The following CNTNAP2 variants were observed in gnomAD, a reference collection of about 807,000 sequenced individuals.
CNTNAP2 encodes contactin associated protein 2, also known as contactin-associated protein-like 2.
Under a neutral mutation model 155.2 loss-of-function variants are expected in CNTNAP2, and 98 were observed. That is an observed-to-expected ratio of 0.63 (90% CI 0.54 to 0.75). The LOEUF (loss-of-function observed/expected upper bound fraction) is 0.75. Ranked by LOEUF, CNTNAP2 falls within the 30% of genes least tolerant of loss-of-function variation. CNTNAP2 has a pLI of 0.00. For missense variants in CNTNAP2, 1,727 were observed against 1,688.1 expected (o/e 1.02, Z -0.40); for synonymous variants, 651 against 631.2 (o/e 1.03, Z -0.47).
chr7:146,844,919 C>T (rs1253778947), intron 3 of CNTNAP2, among the ~76,000 whole-genome samples: 1 of 152,090 alleles, frequency 6.6e-6, no homozygotes, highest in African/African-American at 2.4e-5. Flanking sequence ...GAGAATTCTA[C>T]AGAACACAGC....
chr7:147,035,542 T>G (rs28380485), intron 3 of CNTNAP2, among the ~76,000 whole-genome samples: 8 of 152,294 alleles, frequency 5.3e-5, no homozygotes, highest in South Asian at 2.1e-4. Context: ...ACAGAGTCAT[T>G]TTATGTTTTA....
rs375213091 is a variant in CNTNAP2 at position 146,290,151 on chromosome 7, A to G, written c.97+173178A>G. Among the ~76,000 whole-genome samples the G allele has an allele frequency of 1.2e-3, 176 of 152,300 alleles. 5 individuals carry two copies. In the South Asian group the frequency reaches 0.032, roughly 28 times the overall value. ...ATCATCCCAGGATTTTGGGAGGCCAAAGTTGGAAGATTGCTTGAGACCAGG... is the reference window on the plus strand; with the variant it reads ...ATCATCCCAGGATTTTGGGAGGCCAGAGTTGGAAGATTGCTTGAGACCAGG... On this transcript the variant is annotated intron_variant, in intron 1 of 23. Coordinates refer to ENST00000361727, the MANE Select transcript of CNTNAP2 (RefSeq NM_014141.6).
chr7:147,629,857 C>T (rs1795052148), intron 12 of CNTNAP2, among the ~76,000 whole-genome samples: 2 of 151,864 alleles, frequency 1.3e-5, no homozygotes, highest in South Asian at 4.2e-4. Context: ...GCATTAAATG[C>T]CCTCATCAAA....
chr7:146,589,391 C>T (rs1027283566), intron 1 of CNTNAP2, among the ~76,000 whole-genome samples: 5 of 152,246 alleles, frequency 3.3e-5, no homozygotes, highest in Non-Finnish European at 5.9e-5. Flanking sequence ...AAATGTGGCA[C>T]GTGTACACCA....
intron 23 of CNTNAP2, among the ~76,000 whole-genome samples, chr7:148,410,651 G>A (rs1333687517): frequency 6.6e-6 from 1 of 151,480 alleles, no homozygotes; most frequent in African/African-American, 2.4e-5. Context: ...AAAATCACTG[G>A]AGGTCATTAT....
chr7:146,662,993 C>A (rs1471748941), intron 1 of CNTNAP2, among the ~76,000 whole-genome samples: 1 of 152,066 alleles, frequency 6.6e-6, no homozygotes, highest in Non-Finnish European at 1.5e-5. Flanking sequence ...CTACAGAAAT[C>A]AGAGCCGGGT....
At chr7:146,965,507 G>A (rs545833149) in intron 3 of CNTNAP2, among the ~76,000 whole-genome samples, 6 of 152,000 alleles carry the variant, frequency 3.9e-5, no homozygotes, top group African/African-American at 9.6e-5. Context: ...CTTGAATGGC[G>A]TACACTCTAG....
intron 11 of CNTNAP2, among the ~76,000 whole-genome samples, chr7:147,492,602 G>A (rs1455830403): frequency 6.6e-6 from 1 of 152,148 alleles, no homozygotes; most frequent in Admixed American, 6.5e-5. Context: ...TAGATGTCCT[G>A]ATGTCAAACC....
At chr7:147,137,252 T>C (rs1423223584) in intron 8 of CNTNAP2, among the ~76,000 whole-genome samples, 3 of 151,124 alleles carry the variant, frequency 2.0e-5, no homozygotes, top group Non-Finnish European at 4.4e-5. Context: ...TTTAATAACA[T>C]GGTAAAAAAT....
At chr7:146,207,389 A>AGATG (rs1395887917) in intron 1 of CNTNAP2, among the ~76,000 whole-genome samples, 2 of 152,132 alleles carry the variant, frequency 1.3e-5, no homozygotes, top group Admixed American at 6.6e-5. Context: ...TTTCCATTCA[A>AGATG]GATGTACTGA....
chr7:146,802,310 C>T (rs1042755865), intron 2 of CNTNAP2, among the ~76,000 whole-genome samples: 1 of 152,150 alleles, frequency 6.6e-6, no homozygotes, highest in African/African-American at 2.4e-5. Flanking sequence ...CAGTTTTCTT[C>T]AGCAATGGAA....
At chr7:147,765,799 A>T (rs923535957) in intron 13 of CNTNAP2, among the ~76,000 whole-genome samples, 2 of 152,206 alleles carry the variant, frequency 1.3e-5, no homozygotes, top group Non-Finnish European at 2.9e-5. Flanking sequence ...TCTCCTAATT[A>T]TAACTAATTC....
chr7:146,210,591 G>T (rs532813361), intron 1 of CNTNAP2, among the ~76,000 whole-genome samples: 2 of 152,072 alleles, frequency 1.3e-5, no homozygotes, highest in Non-Finnish European at 2.9e-5. Context: ...GGTGTGAGCC[G>T]TTGTGCCTGG....
intron 2 of CNTNAP2, among the ~76,000 whole-genome samples, chr7:146,792,581 G>C (rs1013719642): frequency 9.2e-5 from 14 of 152,276 alleles, no homozygotes; most frequent in Non-Finnish European, 2.1e-4. Context: ...AGGTATCCAG[G>C]CATTTAATAA....
chr7:147,112,466 T>C (rs1297682997), intron 5 of CNTNAP2, among the ~76,000 whole-genome samples: 1 of 152,212 alleles, frequency 6.6e-6, no homozygotes, highest in African/African-American at 2.4e-5. Context: ...TGTGGAATGC[T>C]TCCAGCTTTT....
chr7:147,813,028 A>C (rs560160356), intron 13 of CNTNAP2, among the ~76,000 whole-genome samples: 11 of 152,200 alleles, frequency 7.2e-5, no homozygotes, highest in Admixed American at 1.3e-4. Flanking sequence ...GAATTTAATT[A>C]AACCACAGAA....
chr7:146,447,397 A>G (rs1796417465), intron 1 of CNTNAP2, among the ~76,000 whole-genome samples: 1 of 152,060 alleles, frequency 6.6e-6, no homozygotes, highest in African/African-American at 2.4e-5. Context: ...TTGCCAAATT[A>G]TGAGTGACCC....
Position 147,441,844 on chromosome 7 carries a change from T to C in CNTNAP2, c.1671-44091T>C, listed in dbSNP as rs868795293. Among the ~76,000 whole-genome samples the C allele has an allele frequency of 4.5e-3, 595 of 132,262 alleles. 5 individuals carry two copies. Among genetic ancestry groups the C allele is most frequent in the African/African-American group, 0.013 (493 of 37,874 alleles). The allele number at this position is 132,262 out of a possible 152,430, so 86.8% of individuals were successfully genotyped here. ...CTCTCTCTCTCTCTCTCTCTCTCTC[T>C]CTCTCTCCCTCCCTCCCTCCCTCCC... On this transcript the variant is annotated intron_variant, in intron 10 of 23. Transcript: ENST00000361727.
chr7:146,641,281 G>T lies in CNTNAP2; in HGVS notation c.98-132990G>T, dbSNP rs545197122. Among the ~76,000 whole-genome samples the T allele has an allele frequency of 1.8e-4, 27 of 152,222 alleles. No individual in the cohort carries two copies. In the East Asian group the frequency reaches 5.0e-3, roughly 28 times the overall value. ...GCGGAGCTTGCAGTGAGCCGAGATC[G>T]CACCACTGCACTCCAGCCTGAGGAA... On this transcript the variant is annotated intron_variant, in intron 1 of 23. Transcript: ENST00000361727.
Sources: gnomAD v4.1 joint callset for allele counts (sites outside exome capture counted in the v4.1 genomes callset) on GRCh38, gnomAD v4.1.1 for gene constraint, MANE v1.5 for transcripts, NCBI Gene and HGNC (gene_info 2026-07-23, HGNC 2026-07-21) for gene names.